Variants in GCH1 observed in about 807,000 individuals in gnomAD.
GCH1 encodes the protein GTP cyclohydrolase 1.
A neutral mutation model predicts 25.9 loss-of-function variants in GCH1; 5 were observed. The ratio of observed to expected loss-of-function variants is 0.19; its 90% CI spans 0.10 to 0.41. The LOEUF (loss-of-function observed/expected upper bound fraction) is 0.41. Among genes scored for constraint, GCH1 ranks in the 10% least tolerant of loss-of-function variants. The pLI is 1.00. For synonymous variants in GCH1, 159 were observed against 129.6 expected, an observed-to-expected ratio of 1.23 and a Z score of -1.54; for missense variants, 261 against 336.5, an observed-to-expected ratio of 0.78 and a Z score of 1.75.
chr14:54,887,734 A>AAT (rs1462502400), intron 1 of GCH1, among the ~76,000 whole-genome samples: 5 of 152,220 alleles, frequency 3.3e-5, no homozygotes, highest in Non-Finnish European at 5.9e-5. Flanking sequence ...TTCACCTCTA[A>AAT]ATACATGTCT....
At chr14:54,874,866 T>C (rs1275853696) in intron 1 of GCH1, among the ~76,000 whole-genome samples, 2 of 152,110 alleles carry the variant, frequency 1.3e-5, no homozygotes, top group African/African-American at 4.8e-5. Context: ...GGAAGAACAT[T>C]CCATGCTCAT....
At chr14:54,871,012 G>C (rs1273566591) in intron 1 of GCH1, among the ~76,000 whole-genome samples, 2 of 152,198 alleles carry the variant, frequency 1.3e-5, no homozygotes, top group African/African-American at 2.4e-5. Flanking sequence ...GGTTCTCCCA[G>C]CATGCAGCCT....
At chr14:54,876,222 T>C (rs1430543657) in intron 1 of GCH1, among the ~76,000 whole-genome samples, 2 of 152,122 alleles carry the variant, frequency 1.3e-5, no homozygotes, top group Non-Finnish European at 1.5e-5. Flanking sequence ...CTGGAAGCCA[T>C]CATTCTCAGC....
intron 1 of GCH1, chr14:54,885,370 A>G: frequency 1.1e-5 from 3 of 263,082 alleles, no homozygotes; most frequent in Non-Finnish European, 2.3e-5. Context: ...GATGGGGTCC[A>G]GGGTCTGCCT....
chr14:54,897,721 C>CA (rs2040508000), intron 1 of GCH1, among the ~76,000 whole-genome samples: 1 of 152,164 alleles, frequency 6.6e-6, no homozygotes, highest in Non-Finnish European at 1.5e-5. Flanking sequence ...TCTCTGGATT[C>CA]AAATACCAGC....
chr14:54,888,505 T>C (rs1019738265), intron 1 of GCH1, among the ~76,000 whole-genome samples: 1 of 149,630 alleles, frequency 6.7e-6, no homozygotes, highest in Non-Finnish European at 1.5e-5. Flanking sequence ...CAAAGCTTTG[T>C]TGACATACTA....
chr14:54,902,230 C>T, intron 1 of GCH1, 91 bp downstream of exon 1: 1 of 1,379,426 alleles, frequency 7.2e-7, no homozygotes, highest in Non-Finnish European at 1.0e-6. Context: ...AAAAGTGAGG[C>T]AACTCCGGAA....
intron 3 of GCH1, among the ~76,000 whole-genome samples, chr14:54,847,961 T>C (rs902775131): frequency 6.6e-6 from 1 of 152,166 alleles, no homozygotes; most frequent in Non-Finnish European, 1.5e-5. Context: ...CACACCACGG[T>C]CAACTACTAT....
At chr14:54,868,748 T>A (rs1266032363) in intron 1 of GCH1, among the ~76,000 whole-genome samples, 1 of 150,176 alleles carries the variant, frequency 6.7e-6, no homozygotes, top group Non-Finnish European at 1.5e-5. Context: ...ACTACAGGCG[T>A]CTGCCACCAC....
intron 3 of GCH1, among the ~76,000 whole-genome samples, chr14:54,853,738 AT>A (rs139519431): frequency 0.092 from 13,457 of 146,280 alleles, 1,481 homozygotes; most frequent in African/African-American, 0.26. Flanking sequence ...TTTGCCTATC[AT>A]TTTTTTTTTT....
chr14:54,881,972 GT>G (rs1332530752), intron 1 of GCH1, among the ~76,000 whole-genome samples: 1 of 152,116 alleles, frequency 6.6e-6, no homozygotes, highest in Non-Finnish European at 1.5e-5. Context: ...ACGTTTCTTG[GT>G]AAGAGTTCAA....
chr14:54,898,413 G>A (rs146428818), intron 1 of GCH1, among the ~76,000 whole-genome samples: 291 of 152,204 alleles, frequency 1.9e-3, no homozygotes, highest in Middle Eastern at 6.8e-3. Flanking sequence ...GGACATTACT[G>A]TACACTACTG....
At chr14:54,898,922 C>T (rs1444598940) in intron 1 of GCH1, among the ~76,000 whole-genome samples, 1 of 152,088 alleles carries the variant, frequency 6.6e-6, no homozygotes, top group Non-Finnish European at 1.5e-5. Context: ...CCATGCCTGG[C>T]CCAATTTTCT....
intron 3 of GCH1, among the ~76,000 whole-genome samples, chr14:54,849,838 C>T (rs1468050378): frequency 2.6e-5 from 4 of 152,266 alleles, no homozygotes; most frequent in Admixed American, 6.5e-5. Flanking sequence ...TCCCAATCAC[C>T]GTATTTAATC....
intron 1 of GCH1, among the ~76,000 whole-genome samples, chr14:54,887,536 G>A (rs995352551): frequency 7.2e-5 from 11 of 152,294 alleles, no homozygotes; most frequent in Admixed American, 3.3e-4. Flanking sequence ...AGATTAAAAC[G>A]TAATAATCAA....
At chr14:54,893,258 C>T (rs1372293331) in intron 1 of GCH1, among the ~76,000 whole-genome samples, 1 of 152,186 alleles carries the variant, frequency 6.6e-6, no homozygotes, top group African/African-American at 2.4e-5. Flanking sequence ...CCATGGGAAA[C>T]ATATTTGTTT....
intron 1 of GCH1, chr14:54,885,086 G>A (rs2040332391): frequency 9.7e-6 from 3 of 309,528 alleles, no homozygotes; most frequent in Non-Finnish European, 1.9e-5. Context: ...TGCATTTGTT[G>A]TCATCTGTTG....
rs564059951 is a variant in GCH1 at position 54,891,189 on chromosome 14, G to A, written c.343+11132C>T. On this transcript the variant is annotated intron_variant, in intron 1 of 5. Coordinates refer to ENST00000491895, the MANE Select transcript of GCH1 (RefSeq NM_000161.3). ...ACAATCTCGGCTCACTGCAACCTTC[G>A]GCTCCCAAGTTCAAGCAATTCTCCT... 7.9e-5 allele frequency among the ~76,000 whole-genome samples: 12 copies of A among 152,122 alleles called. 1 individual carries two copies. In the South Asian group the frequency reaches 1.0e-3, roughly 13 times the overall value.
chr14:54,852,266 C>T (rs2039742399), intron 3 of GCH1, among the ~76,000 whole-genome samples: 1 of 152,146 alleles, frequency 6.6e-6, no homozygotes, highest in Admixed American at 6.5e-5. Flanking sequence ...CAAATAAACA[C>T]AAAAACACTT....
Sources: allele counts gnomAD v4.1 joint callset (sites outside exome capture counted in the v4.1 genomes callset), GRCh38; gene constraint gnomAD v4.1.1; transcripts MANE v1.5; gene names NCBI Gene and HGNC (gene_info 2026-07-23, HGNC 2026-07-21).